ZSCAN21: variants seen among roughly 807,000 people sequenced by gnomAD.
ZSCAN21 encodes zinc finger and SCAN domain containing 21.
A neutral mutation model predicts 35.6 loss-of-function variants in ZSCAN21; 26 were observed. The observed-to-expected ratio is 0.73, with a 90% CI of 0.54 to 1.01. The LOEUF (loss-of-function observed/expected upper bound fraction) is 1.01. ZSCAN21 is among the 50% of genes least tolerant of loss of function. The pLI is 0.00. For missense variants in ZSCAN21, 593 were observed against 587.1 expected, an observed-to-expected ratio of 1.01 and a Z score of -0.10; for synonymous variants, 219 against 219.3, an observed-to-expected ratio of 1.00 and a Z score of 0.01.
At chr7:100,061,301 C>T (rs1417237188) in intron 3 of ZSCAN21, among the ~76,000 whole-genome samples, 2 of 152,172 alleles carry the variant, frequency 1.3e-5, no homozygotes, top group African/African-American at 4.8e-5. Flanking sequence ...GCAGGTGGAT[C>T]ATTTGAGGCC....
Position 100,065,024 on chromosome 7 carries a change from C to A in ZSCAN21, c.*407C>A. ...ACAATTGAATGAGATTCAGAATAAA[C>A]TTATAACATCTTGTAATGCCTCAGG... On this transcript the variant is annotated 3_prime_UTR_variant, in exon 4 of 4. Coordinates refer to ENST00000292450, the MANE Select transcript of ZSCAN21 (RefSeq NM_145914.3). 1 of 1,347,432 alleles carries A rather than the reference C, an allele frequency of 7.4e-7. No individual in the cohort carries two copies. The allele number at this position is 1,347,432 out of a possible 1,614,324, so 83.5% of individuals were successfully genotyped here.
Position 100,062,513 on chromosome 7 carries a change from T to C in ZSCAN21, c.593-1275T>C, listed in dbSNP as rs950829069. Among the ~76,000 whole-genome samples, 26 of 151,528 alleles carry C rather than the reference T, an allele frequency of 1.7e-4. 1 individual carries two copies. The highest frequency in any genetic ancestry group is 5.9e-5 in the Non-Finnish European group (4 of 67,918). ...GGGAGGCTGAGGCAGGAGAATCGCT[T>C]GAACCTGGGAGGCAGAGGTTGCGGT... On this transcript the variant is annotated intron_variant, in intron 3 of 3. Coordinates refer to ENST00000292450, the MANE Select transcript of ZSCAN21 (RefSeq NM_145914.3).
At chr7:100,052,921 G>A (rs1000637003) in intron 1 of ZSCAN21, among the ~76,000 whole-genome samples, 3 of 151,990 alleles carry the variant, frequency 2.0e-5, no homozygotes, top group African/African-American at 7.2e-5. Flanking sequence ...TTGAGGTCAG[G>A]AGTTCAAGAC....
chr7:100,057,604 C>A, intron 2 of ZSCAN21, 94 bp from the exon 3 acceptor site: 1 of 1,396,440 alleles, frequency 7.2e-7, no homozygotes, highest in East Asian at 2.3e-5. Context: ...TTCCTTTTCT[C>A]TTTCCTAGAG....
At chr7:100,058,157 G>T (rs904335269) in intron 3 of ZSCAN21, among the ~76,000 whole-genome samples, 3 of 152,098 alleles carry the variant, frequency 2.0e-5, no homozygotes, top group African/African-American at 4.8e-5. Flanking sequence ...CAATTGAAAT[G>T]AGTTTAAAAA....
At position 100,064,712 on chromosome 7, in the gene ZSCAN21, T is replaced by TA. The variant is rs1792550351; in HGVS notation, c.*96dup. ...ATTGCAGCAGCATCGATTCCGGTGA[T>TA]AGAGTTTGTATCACTCAACATCAGG... On this transcript the variant is annotated 3_prime_UTR_variant, in exon 4 of 4. Transcript: ENST00000292450. 9.9e-6 allele frequency: 16 copies of TA among 1,608,658 alleles called. No individual in the cohort carries two copies. Among genetic ancestry groups the TA allele is most frequent in the Admixed American group, 1.7e-5 (1 of 59,438 alleles).
chr7:100,051,403 C>T (rs1309370410), intron 1 of ZSCAN21: 2 of 145,126 alleles, frequency 1.4e-5, no homozygotes, highest in East Asian at 4.4e-4. Context: ...TAGCCATTCT[C>T]CTGCCTCAGC....
At chr7:100,051,558 G>T (rs1386143880) in intron 1 of ZSCAN21, 1 of 152,164 alleles carries the variant, frequency 6.6e-6, no homozygotes. Flanking sequence ...GCCTCCCAAA[G>T]TGCTGGAATT....
Position 100,053,546 on chromosome 7 carries a change from A to ATACATAGTTT in ZSCAN21, c.-96-3364_-96-3363insACATAGTTTT, listed in dbSNP as rs755978112. On this transcript the variant is annotated intron_variant, in intron 1 of 3. Transcript: ENST00000292450. ...ACATACATACATACATACATACATAATTTTTTTTTTTTTTTTTTTTTTGCA... is the reference window on the plus strand; with the variant it reads ...ACATACATACATACATACATACATAATACATAGTTTTTTTTTTTTTTTTTTTTTTTTTGCA... 5.3e-4 allele frequency among the ~76,000 whole-genome samples: 42 copies of ATACATAGTTT among 79,516 alleles called. 5 individuals are homozygous for ATACATAGTTT. The highest frequency in any genetic ancestry group is 3.9e-4 in the African/African-American group (7 of 17,834). The allele number at this position is 79,516 out of a possible 152,430, so 52.2% of individuals were successfully genotyped here.
intron 1 of ZSCAN21, among the ~76,000 whole-genome samples, chr7:100,053,692 G>A (rs1791974671): frequency 6.6e-6 from 1 of 151,758 alleles, no homozygotes; most frequent in South Asian, 2.1e-4. Flanking sequence ...TGGGATTACA[G>A]GTGCCTGCCA....
chr7:100,057,896 G>T lies in ZSCAN21; in HGVS notation c.592+6G>T. 1.9e-6 allele frequency: 3 copies of T among 1,594,544 alleles called. No individual in the cohort carries two copies. Among genetic ancestry groups the T allele is most frequent in the Non-Finnish European group, 2.6e-6 (3 of 1,169,856 alleles). On this transcript the variant is annotated splice_donor_region_variant and intron_variant, in intron 3 of 3. Coordinates refer to ENST00000292450, the MANE Select transcript of ZSCAN21 (RefSeq NM_145914.3). ...AGATCCAAGAAAGGTCCGAGGTGAGGACCACCCATTAGACTCCTATTCAGT... is the reference window on the plus strand; with the variant it reads ...AGATCCAAGAAAGGTCCGAGGTGAGTACCACCCATTAGACTCCTATTCAGT...
chr7:100,051,552 C>A (rs1440605230), intron 1 of ZSCAN21: 4 of 151,862 alleles, frequency 2.6e-5, no homozygotes, highest in African/African-American at 9.7e-5. Flanking sequence ...CCTCGGGCCT[C>A]CCAAAGTGCT....
At chr7:100,059,105 G>T (rs1438600533) in intron 3 of ZSCAN21, among the ~76,000 whole-genome samples, 1 of 152,190 alleles carries the variant, frequency 6.6e-6, no homozygotes, top group Non-Finnish European at 1.5e-5. Context: ...CTATTTATGT[G>T]TGTGGTGTGA....
At chr7:100,052,972 T>C (rs1791938391) in intron 1 of ZSCAN21, among the ~76,000 whole-genome samples, 1 of 151,594 alleles carries the variant, frequency 6.6e-6, no homozygotes, top group Admixed American at 6.6e-5. Context: ...CTACTAAAAA[T>C]ATAAAAATTA....
intron 3 of ZSCAN21, among the ~76,000 whole-genome samples, chr7:100,061,914 T>G (rs1219484400): frequency 1.3e-5 from 2 of 152,186 alleles, no homozygotes; most frequent in Non-Finnish European, 2.9e-5. Context: ...GATGGCCAGG[T>G]GGACTTTGAA....
Position 100,057,108 on chromosome 7 carries a change from A to C in ZSCAN21, c.102A>C (p.Lys34Asn). 1 of 1,614,146 alleles carries C rather than the reference A, an allele frequency of 6.2e-7. No individual in the cohort carries two copies. The highest frequency in any genetic ancestry group is 1.1e-5 in the South Asian group (1 of 91,078). ...LMVKVEEKEEKGKYLPSLEMF... is the reference protein window; with the variant it reads ...LMVKVEEKEENGKYLPSLEMF... ...TAAAAGTCGAGGAGAAAGAAGAGAA[A>C]GGCAAGTACCTTCCTAGCCTGGAGA... The change falls in exon 2 of 4, where the codon AAA becomes AAC. Residue 34 changes from lysine to asparagine, a missense_variant. Physicochemically the swap from Lys to Asn is moderately conservative, Grantham distance 94. Coordinates refer to ENST00000292450, the MANE Select transcript of ZSCAN21 (RefSeq NM_145914.3).
intron 3 of ZSCAN21, among the ~76,000 whole-genome samples, chr7:100,062,891 T>A (rs1280628018): frequency 2.6e-5 from 4 of 151,946 alleles, no homozygotes; most frequent in African/African-American, 9.7e-5. Context: ...ATAAATAAAA[T>A]AAATATTTTT....
chr7:100,049,795 A>C lies in ZSCAN21; in HGVS notation c.-143A>C, dbSNP rs974930320. The C allele has an allele frequency of 4.6e-5, 7 of 152,274 alleles. No homozygotes were observed. Among genetic ancestry groups the C allele is most frequent in the Non-Finnish European group, 1.0e-4 (7 of 68,072 alleles). 9.4% of individuals were successfully genotyped at this position (152,274 alleles called of 1,614,324 possible). On this transcript the variant is annotated 5_prime_UTR_variant, in exon 1 of 4. Transcript: ENST00000292450. The stretch of plus-strand genomic sequence containing the variant: ...ACGCACTTCCGGGTGCGCGGTCCCG[A>C]GGTACGCGGTGCGGTCTCCCGGTAC...
At chr7:100,055,766 G>A (rs906957268) in intron 1 of ZSCAN21, among the ~76,000 whole-genome samples, 6 of 145,966 alleles carry the variant, frequency 4.1e-5, no homozygotes, top group South Asian at 2.2e-4. Flanking sequence ...TCAGCCTCCC[G>A]AATAGCTGGA....
Sources: gnomAD v4.1 joint callset for allele counts (sites outside exome capture counted in the v4.1 genomes callset) on GRCh38, gnomAD v4.1.1 for gene constraint, MANE v1.5 for transcripts, NCBI Gene and HGNC (gene_info 2026-07-23, HGNC 2026-07-21) for gene names.